Variants in NPAS3 observed in about 807,000 individuals in gnomAD.
The protein encoded by NPAS3 is neuronal PAS domain protein 3, also known as neuronal PAS domain-containing protein 3.
Under a neutral mutation model 73.1 loss-of-function variants are expected in NPAS3, and 14 were observed. That is an observed-to-expected ratio of 0.19 (90% CI 0.13 to 0.30). The LOEUF is 0.30. Among genes scored for constraint, NPAS3 ranks in the 10% least tolerant of loss-of-function variants. The pLI is 1.00. For synonymous variants in NPAS3, 620 were observed against 541.5 expected (o/e 1.14, Z -2.01); for missense variants, 1,096 against 1,250.0 (o/e 0.88, Z 1.86).
chr14:33,644,090 C>T (rs1048998601), intron 5 of NPAS3, among the ~76,000 whole-genome samples: 7 of 152,144 alleles, frequency 4.6e-5, no homozygotes, highest in African/African-American at 1.4e-4. Context: ...TTGTGTCACT[C>T]GCTCTTCTTT....
At chr14:33,552,603 T>C (rs2055169927) in intron 4 of NPAS3, among the ~76,000 whole-genome samples, 1 of 151,604 alleles carries the variant, frequency 6.6e-6, no homozygotes, top group Non-Finnish European at 1.5e-5. Context: ...GACCACTTCC[T>C]ACTTTCCAGT....
chr14:33,028,145 G>A (rs577870870), intron 1 of NPAS3, among the ~76,000 whole-genome samples: 37 of 152,158 alleles, frequency 2.4e-4, no homozygotes, highest in Non-Finnish European at 4.1e-4. Context: ...GTGAATCTTA[G>A]TTACTCTCTG....
At position 33,678,404 on chromosome 14, in the gene NPAS3, C is replaced by CCTCCTTTCCTCCTGTCATCCTT. The variant is rs1253881073; in HGVS notation, c.733+2029_733+2050dup. On this transcript the variant is annotated intron_variant, in intron 6 of 11. Transcript: ENST00000356141. ...ACATGTGAAGTCAATTACATCAGAT[C>CCTCCTTTCCTCCTGTCATCCTT]CTCCTTTCCTCCTGTCATCCTTCTC... 4.5e-3 allele frequency among the ~76,000 whole-genome samples: 684 copies of CCTCCTTTCCTCCTGTCATCCTT among 152,260 alleles called. 4 individuals carry two copies. Among genetic ancestry groups the CCTCCTTTCCTCCTGTCATCCTT allele is most frequent in the Non-Finnish European group, 7.7e-3 (526 of 68,014 alleles).
chr14:33,220,342 CGTT>C (rs1440242189), intron 3 of NPAS3, among the ~76,000 whole-genome samples: 3 of 152,030 alleles, frequency 2.0e-5, no homozygotes, highest in Admixed American at 6.6e-5. Flanking sequence ...TGCCAGTGTT[CGTT>C]GTTGTTTATT....
intron 5 of NPAS3, among the ~76,000 whole-genome samples, chr14:33,606,591 TAACTC>T (rs902453991): frequency 1.2e-4 from 19 of 152,222 alleles, no homozygotes; most frequent in African/African-American, 3.4e-4. Context: ...ATAAAAAAAT[TAACTC>T]AAAGAGGATC....
Position 33,800,968 on chromosome 14 carries a change from C to A in NPAS3, c.2661C>A (p.Gly887=). Residue 887 remains glycine, a synonymous_variant, in exon 12 of 12, where the codon GGC becomes GGA. Coordinates refer to ENST00000356141, the Ensembl canonical transcript of NPAS3. This position sits in a 1 kb window ranked among gnomAD's most constrained non-coding sequence, Gnocchi z 6.5. ...TCAACATGTCAGGACCGTTCGGCGG[C>A]GCAGTGAGCGCAGCTAGCCTGACGC... The A allele has an allele frequency of 6.3e-7, 1 of 1,594,508 alleles. No homozygotes were observed. Among genetic ancestry groups the A allele is most frequent in the Non-Finnish European group, 8.5e-7 (1 of 1,171,284 alleles).
chr14:33,327,111 G>A (rs1428743315), intron 3 of NPAS3, among the ~76,000 whole-genome samples: 1 of 152,172 alleles, frequency 6.6e-6, no homozygotes, highest in East Asian at 1.9e-4. Context: ...TAGAATTGCT[G>A]CAATTTGGCA....
chr14:33,228,013 C>T (rs17472080), intron 3 of NPAS3, among the ~76,000 whole-genome samples: 44,014 of 151,936 alleles, frequency 0.29, 7,332 homozygotes, highest in South Asian at 0.46. Flanking sequence ...CATAGTTGGA[C>T]CTGTGAACCC....
At chr14:33,172,524 T>TAAGAATTCC (rs2045429780) in intron 2 of NPAS3, among the ~76,000 whole-genome samples, 3 of 152,120 alleles carry the variant, frequency 2.0e-5, no homozygotes, top group African/African-American at 7.2e-5. Context: ...TCACTTGAGC[T>TAAGAATTCC]TAGGAATTCG....
At chr14:33,474,604 C>T (rs1435497415) in intron 4 of NPAS3, among the ~76,000 whole-genome samples, 1 of 152,014 alleles carries the variant, frequency 6.6e-6, no homozygotes, top group Admixed American at 6.5e-5. Context: ...AATTTAACTT[C>T]TTAAAGTTAC....
At chr14:33,679,729 C>T (rs1345120448) in intron 6 of NPAS3, among the ~76,000 whole-genome samples, 1 of 152,114 alleles carries the variant, frequency 6.6e-6, no homozygotes, top group East Asian at 1.9e-4. Context: ...AAATAAGTGA[C>T]TAAGCCAGCC....
intron 4 of NPAS3, among the ~76,000 whole-genome samples, chr14:33,547,726 T>C (rs1370099996): frequency 2.0e-5 from 3 of 152,204 alleles, no homozygotes; most frequent in Non-Finnish European, 1.5e-5. Context: ...CCCAAACCTG[T>C]GCACTGTCGT....
chr14:33,507,268 C>T (rs556282718), intron 4 of NPAS3, among the ~76,000 whole-genome samples: 2 of 152,104 alleles, frequency 1.3e-5, no homozygotes. Flanking sequence ...GGAGAAATGT[C>T]TCGTCTCAGA....
chr14:33,122,572 G>T (rs1005199236), intron 2 of NPAS3, among the ~76,000 whole-genome samples: 2 of 152,096 alleles, frequency 1.3e-5, no homozygotes, highest in African/African-American at 2.4e-5. Flanking sequence ...GTGATGTTGA[G>T]CAAGTGTTTT....
At chr14:33,329,967 T>C (rs2043906591) in intron 3 of NPAS3, among the ~76,000 whole-genome samples, 1 of 152,050 alleles carries the variant, frequency 6.6e-6, no homozygotes, top group African/African-American at 2.4e-5. Context: ...AAATAAATAT[T>C]TACCTGAATA....
At chr14:33,352,297 C>T (rs187641043) in intron 3 of NPAS3, among the ~76,000 whole-genome samples, 42 of 152,252 alleles carry the variant, frequency 2.8e-4, no homozygotes, top group East Asian at 9.6e-4. Flanking sequence ...TAGAAAATGA[C>T]GGAAAAGTCA....
At chr14:33,612,200 C>T (rs1250588674) in intron 5 of NPAS3, among the ~76,000 whole-genome samples, 1 of 152,152 alleles carries the variant, frequency 6.6e-6, no homozygotes, top group Non-Finnish European at 1.5e-5. Flanking sequence ...CAGAAGGCCC[C>T]TGCCGGGGAG....
intron 1 of NPAS3, among the ~76,000 whole-genome samples, chr14:32,964,067 A>G (rs1158959300): frequency 1.3e-5 from 2 of 151,748 alleles, no homozygotes; most frequent in African/African-American, 4.8e-5. Context: ...AATGCTGATC[A>G]GAATATAGAC....
At chr14:33,220,621 C>T (rs2047389125) in intron 3 of NPAS3, among the ~76,000 whole-genome samples, 1 of 152,150 alleles carries the variant, frequency 6.6e-6, no homozygotes, top group South Asian at 2.1e-4. Context: ...GGCTTTCTGA[C>T]AATTGCAGGC....
Sources: gnomAD v4.1 joint callset for allele counts (sites outside exome capture counted in the v4.1 genomes callset) on GRCh38, gnomAD v4.1.1 for gene constraint, Gnocchi (gnomAD v3.1) non-coding constraint, MANE v1.5 for transcripts, NCBI Gene and HGNC (gene_info 2026-07-23, HGNC 2026-07-21) for gene names.